ERGIC2: variants seen among roughly 807,000 people sequenced by gnomAD.
ERGIC2 encodes the protein ERGIC and golgi 2.
A neutral mutation model predicts 52.5 loss-of-function variants in ERGIC2; 31 were observed. The ratio of observed to expected loss-of-function variants is 0.59; its 90% CI spans 0.44 to 0.80. The LOEUF (loss-of-function observed/expected upper bound fraction) is 0.80, where lower values mean the gene tolerates loss of function less well. Ranked by LOEUF, ERGIC2 falls within the 30% of genes least tolerant of loss-of-function variation. ERGIC2 has a pLI of 0.00. For synonymous variants in ERGIC2, 129 were observed against 140.6 expected, an observed-to-expected ratio of 0.92 and a Z score of 0.58; for missense variants, 395 against 455.2, an observed-to-expected ratio of 0.87 and a Z score of 1.20.
chr12:29,363,991 TTTA>T (rs1208980798), intron 5 of ERGIC2, among the ~76,000 whole-genome samples: 1 of 152,150 alleles, frequency 6.6e-6, no homozygotes, highest in Non-Finnish European at 1.5e-5. Context: ...GGATGCAACC[TTTA>T]TTATCATCTT....
At chr12:29,357,401 C>T (rs998399031) in intron 7 of ERGIC2, among the ~76,000 whole-genome samples, 3 of 152,028 alleles carry the variant, frequency 2.0e-5, no homozygotes, top group East Asian at 3.9e-4. Context: ...GGGTATACCA[C>T]GCATAAAAAA....
In ERGIC2 at chr12:29,361,640, A is replaced by G. The variant is rs761852755; in HGVS notation, c.374+5T>C. On this transcript the variant is annotated splice_donor_5th_base_variant and intron_variant, in intron 6 of 13. Transcript: ENST00000360150. ...ATGGACCACAATACTTTGTTCTCTT[A>G]TTACCTCTGCCACTCTTTCTGCTGT... 6 of 1,604,900 alleles carry G rather than the reference A, an allele frequency of 3.7e-6. No homozygotes were observed. In the South Asian group the frequency reaches 6.7e-5, roughly 18 times the overall value.
intron 5 of ERGIC2, among the ~76,000 whole-genome samples, chr12:29,362,250 T>C (rs1389743312): frequency 2.6e-5 from 4 of 152,158 alleles, no homozygotes; most frequent in Non-Finnish European, 5.9e-5. Context: ...CTTCTCATAG[T>C]AGCTATATCC....
chr12:29,375,375 A>C (rs1192519040), intron 1 of ERGIC2, among the ~76,000 whole-genome samples: 1 of 152,180 alleles, frequency 6.6e-6, no homozygotes, highest in Non-Finnish European at 1.5e-5. Flanking sequence ...TTATTGAGAA[A>C]AGGAAGGAAG....
At chr12:29,360,961 T>C (rs548225556) in intron 6 of ERGIC2, among the ~76,000 whole-genome samples, 6 of 152,216 alleles carry the variant, frequency 3.9e-5, no homozygotes, top group African/African-American at 1.4e-4. Flanking sequence ...GTTTACAAAT[T>C]TGTGGCCGGG....
At chr12:29,346,672 C>T (rs1394960654) in intron 10 of ERGIC2, among the ~76,000 whole-genome samples, 1 of 152,074 alleles carries the variant, frequency 6.6e-6, no homozygotes, top group African/African-American at 2.4e-5. Flanking sequence ...AAAGAAACTA[C>T]TCAATGATGG....
intron 7 of ERGIC2, among the ~76,000 whole-genome samples, chr12:29,357,134 AT>A (rs1192239675): frequency 6.6e-6 from 1 of 151,858 alleles, no homozygotes; most frequent in Non-Finnish European, 1.5e-5. Context: ...CACCCAGCTA[AT>A]TTTTTTGTAT....
chr12:29,341,610 C>A (rs1485549651), intron 13 of ERGIC2, 124 bp downstream of exon 13: 1 of 627,768 alleles, frequency 1.6e-6, no homozygotes, highest in Non-Finnish European at 2.9e-6. Context: ...TGGGCTCAAG[C>A]GATCCTCCCG....
At chr12:29,361,943 T>C (rs1378629805) in intron 5 of ERGIC2, among the ~76,000 whole-genome samples, 1 of 152,194 alleles carries the variant, frequency 6.6e-6, no homozygotes, top group African/African-American at 2.4e-5. Flanking sequence ...TATATGCAAG[T>C]TGACAATTTA....
chr12:29,354,002 G>A (rs1428095922), intron 8 of ERGIC2, among the ~76,000 whole-genome samples: 1 of 152,086 alleles, frequency 6.6e-6, no homozygotes, highest in East Asian at 1.9e-4. Context: ...GGGGGGTGAA[G>A]AGAGGCATTT....
intron 5 of ERGIC2, among the ~76,000 whole-genome samples, chr12:29,362,330 C>T (rs1940298500): frequency 6.6e-6 from 1 of 152,240 alleles, no homozygotes; most frequent in East Asian, 1.9e-4. Flanking sequence ...AATTCTAACA[C>T]TTTGGGAGGC....
chr12:29,356,968 CT>C (rs1004018120), intron 7 of ERGIC2, among the ~76,000 whole-genome samples: 50 of 145,756 alleles, frequency 3.4e-4, no homozygotes, highest in Middle Eastern at 3.5e-3. Flanking sequence ...ATCCACGAAT[CT>C]TTTTTTTTTT....
rs1949826690 is a variant in ERGIC2 at position 29,340,130 on chromosome 12, TAC to T, written c.*1024_*1025del. ...CACCCTGAATGCAAATACTTCATAA[TAC>T]AGTTTTATAGTTTAATGGACAATGT... On this transcript the variant is annotated 3_prime_UTR_variant, in exon 14 of 14. Transcript: ENST00000360150. 1.3e-5 allele frequency: 2 copies of T among 152,178 alleles called. No homozygotes were observed. Among genetic ancestry groups the T allele is most frequent in the Admixed American group, 6.5e-5 (1 of 15,282 alleles). 9.4% of individuals were successfully genotyped at this position (152,178 alleles called of 1,614,324 possible).
At chr12:29,362,522 G>A (rs1040512973) in intron 5 of ERGIC2, among the ~76,000 whole-genome samples, 11 of 152,032 alleles carry the variant, frequency 7.2e-5, no homozygotes, top group African/African-American at 9.7e-5. Context: ...GCTTGAACCC[G>A]GGAGGTGGAA....
intron 3 of ERGIC2, among the ~76,000 whole-genome samples, chr12:29,369,030 G>A (rs546952108): frequency 6.6e-6 from 1 of 151,816 alleles, no homozygotes; most frequent in Non-Finnish European, 1.5e-5. Context: ...TGCTTTCTAT[G>A]ATAACTTTTT....
At chr12:29,367,520 A>G (rs1455067100) in intron 4 of ERGIC2, among the ~76,000 whole-genome samples, 3 of 151,802 alleles carry the variant, frequency 2.0e-5, no homozygotes, top group African/African-American at 7.2e-5. Context: ...AACCACCAAC[A>G]TAAGGAAAAA....
chr12:29,372,566 G>A (rs1385651987), intron 1 of ERGIC2: 1 of 151,838 alleles, frequency 6.6e-6, no homozygotes, highest in Non-Finnish European at 1.5e-5. Flanking sequence ...TTCTCACAGT[G>A]TTATTTTTAA....
intron 5 of ERGIC2, 113 bp from the exon 6 acceptor site, chr12:29,361,798 C>T (rs1940290548): frequency 1.4e-6 from 1 of 705,756 alleles, no homozygotes; most frequent in Admixed American, 2.9e-5. Flanking sequence ...TTGTTAAAAA[C>T]AAGTATTCAT....
intron 8 of ERGIC2, among the ~76,000 whole-genome samples, chr12:29,356,051 T>C (rs1187816915): frequency 6.6e-6 from 1 of 152,080 alleles, no homozygotes; most frequent in Non-Finnish European, 1.5e-5. Context: ...GATACAGAGT[T>C]TTGCTCATCG....
Sources: gnomAD v4.1 joint callset for allele counts (sites outside exome capture counted in the v4.1 genomes callset) on GRCh38, gnomAD v4.1.1 for gene constraint, MANE v1.5 for transcripts, NCBI Gene and HGNC (gene_info 2026-07-23, HGNC 2026-07-21) for gene names.